The following PACRG variants were observed in gnomAD, a reference collection of about 807,000 sequenced individuals.
PACRG encodes parkin coregulated.
A neutral mutation model predicts 29.7 loss-of-function variants in PACRG; 29 were observed. The observed-to-expected ratio is 0.98, with a 90% CI of 0.73 to 1.33. The LOEUF (loss-of-function observed/expected upper bound fraction) is 1.33. Among genes scored for constraint, PACRG ranks in the 40% most tolerant of loss-of-function variants. The pLI, the probability that PACRG is intolerant of heterozygous loss-of-function variation, is 0.00. For missense variants in PACRG, 279 were observed against 316.2 expected, an observed-to-expected ratio of 0.88 and a Z score of 0.89; for synonymous variants, 116 against 118.7, an observed-to-expected ratio of 0.98 and a Z score of 0.15.
At position 163,020,541 on chromosome 6, in the gene PACRG, C is replaced by T. The variant is rs368616582; in HGVS notation, c.292-41609C>T. Among the ~76,000 whole-genome samples, 8 of 152,164 alleles carry T rather than the reference C, an allele frequency of 5.3e-5. No individual in the cohort carries two copies. The South Asian group carries it at 1.0e-3, about 20-fold the overall frequency. On this transcript the variant is annotated intron_variant, in intron 2 of 4. Transcript: ENST00000366888. Reference sequence around the variant, plus strand: ...CAAACAAATAGAAAGGGACCCAGACCGGTTTGAGCGGTGAGTATTCCACAG... The same window carrying T: ...CAAACAAATAGAAAGGGACCCAGACTGGTTTGAGCGGTGAGTATTCCACAG...
chr6:163,104,080 C>T (rs1386021555), intron 4 of PACRG, among the ~76,000 whole-genome samples: 2 of 152,188 alleles, frequency 1.3e-5, no homozygotes, highest in Non-Finnish European at 2.9e-5. Flanking sequence ...GATTTAACAA[C>T]TATTATATGC....
intron 4 of PACRG, among the ~76,000 whole-genome samples, chr6:163,272,978 G>A (rs1237360573): frequency 8.5e-5 from 11 of 129,164 alleles, no homozygotes; most frequent in South Asian, 2.5e-4. Context: ...TGCAAGCTCC[G>A]CCTCCCGGGT....
rs201236845 is a variant in PACRG at position 163,236,014 on chromosome 6, G to C, written c.614-78813G>C. Among the ~76,000 whole-genome samples, 10 of 152,142 alleles carry C rather than the reference G, an allele frequency of 6.6e-5. No individual in the cohort carries two copies. In the East Asian group the frequency reaches 1.9e-3, roughly 29 times the overall value. Reference sequence around the variant, plus strand: ...CTTTCTGCTCTTCCAAAGGTTACTTGTTATATGACTGATCTCCAAGCATTT... The same window carrying C: ...CTTTCTGCTCTTCCAAAGGTTACTTCTTATATGACTGATCTCCAAGCATTT... On this transcript the variant is annotated intron_variant, in intron 4 of 4. Transcript: ENST00000366888.
intron 4 of PACRG, among the ~76,000 whole-genome samples, chr6:163,239,950 CCA>C (rs3064938): frequency 0.25 from 33,710 of 134,472 alleles, 4,603 homozygotes; most frequent in Middle Eastern, 0.35. Context: ...CCCACCCCCC[CCA>C]CACACTCACA....
intron 1 of PACRG, among the ~76,000 whole-genome samples, chr6:162,769,331 C>T (rs1379946410): frequency 1.6e-5 from 2 of 127,282 alleles, no homozygotes; most frequent in African/African-American, 5.4e-5. Flanking sequence ...TTTTTTACTG[C>T]TCTAAAACCT....
chr6:163,138,157 G>A (rs1297522260), intron 4 of PACRG, among the ~76,000 whole-genome samples: 1 of 152,218 alleles, frequency 6.6e-6, no homozygotes, highest in East Asian at 1.9e-4. Context: ...TGACAGTAAT[G>A]TTTTTATAAT....
chr6:163,027,012 A>G (rs996301583), intron 2 of PACRG, among the ~76,000 whole-genome samples: 1 of 152,230 alleles, frequency 6.6e-6, no homozygotes, highest in African/African-American at 2.4e-5. Flanking sequence ...ATGGAAGGAT[A>G]AAAATAGCAT....
At chr6:162,783,580 G>T (rs1784247948) in intron 1 of PACRG, among the ~76,000 whole-genome samples, 1 of 151,828 alleles carries the variant, frequency 6.6e-6, no homozygotes, top group Non-Finnish European at 1.5e-5. Context: ...ATATTTAAGG[G>T]CATAATTTAT....
intron 2 of PACRG, among the ~76,000 whole-genome samples, chr6:162,921,868 G>A (rs1797089413): frequency 6.6e-6 from 1 of 152,150 alleles, no homozygotes; most frequent in Non-Finnish European, 1.5e-5. Flanking sequence ...TAGAGACACA[G>A]TACACTTTGA....
At chr6:162,743,061 CG>C (rs1562551663) in intron 1 of PACRG, among the ~76,000 whole-genome samples, 1 of 152,062 alleles carries the variant, frequency 6.6e-6, no homozygotes, top group Non-Finnish European at 1.5e-5. Context: ...TTGATGATAA[CG>C]GTTCTAACAA....
At chr6:162,813,568 T>C (rs1322823621) in intron 1 of PACRG, among the ~76,000 whole-genome samples, 1 of 152,126 alleles carries the variant, frequency 6.6e-6, no homozygotes, top group Non-Finnish European at 1.5e-5. Context: ...TTCTTGTGAA[T>C]TCATGTTACC....
intron 4 of PACRG, among the ~76,000 whole-genome samples, chr6:163,104,856 C>T (rs998055665): frequency 1.4e-4 from 21 of 152,242 alleles, no homozygotes; most frequent in Non-Finnish European, 2.6e-4. Context: ...ACTTCAATTA[C>T]CTTGCCAAAT....
intron 2 of PACRG, among the ~76,000 whole-genome samples, chr6:163,034,239 C>G (rs1585050265): frequency 6.6e-6 from 1 of 151,918 alleles, no homozygotes; most frequent in Non-Finnish European, 1.5e-5. Flanking sequence ...CTCAAGTTTC[C>G]CCTTTTAGGG....
intron 4 of PACRG, among the ~76,000 whole-genome samples, chr6:163,155,262 G>A (rs1778266450): frequency 6.6e-6 from 1 of 152,202 alleles, no homozygotes. Context: ...ATGGTACCCC[G>A]GGCTAGGAAG....
intron 2 of PACRG, among the ~76,000 whole-genome samples, chr6:162,944,066 G>C (rs1798824845): frequency 6.6e-6 from 1 of 152,090 alleles, no homozygotes; most frequent in Admixed American, 6.5e-5. Context: ...CTACCCTGAG[G>C]CTGAAGGATG....
intron 1 of PACRG, among the ~76,000 whole-genome samples, chr6:162,782,465 G>A (rs922854073): frequency 1.3e-5 from 2 of 151,862 alleles, no homozygotes; most frequent in Admixed American, 6.6e-5. Flanking sequence ...ATTGTAGAGA[G>A]CAAAATTTAA....
chr6:163,117,924 A>G (rs1474333714), intron 4 of PACRG, among the ~76,000 whole-genome samples: 1 of 152,178 alleles, frequency 6.6e-6, no homozygotes, highest in Non-Finnish European at 1.5e-5. Context: ...CAGAGAATTG[A>G]CAACATGGCT....
chr6:163,058,524 T>A (rs1219397309), intron 2 of PACRG, among the ~76,000 whole-genome samples: 4 of 151,768 alleles, frequency 2.6e-5, no homozygotes, highest in Non-Finnish European at 4.4e-5. Context: ...TGTAATCCCA[T>A]CACTTTGGGA....
At chr6:162,781,679 A>G (rs1784102757) in intron 1 of PACRG, among the ~76,000 whole-genome samples, 3 of 141,214 alleles carry the variant, frequency 2.1e-5, no homozygotes, top group Non-Finnish European at 4.5e-5. Flanking sequence ...TGTGAGGTAT[A>G]GTATACTATC....
Sources: gnomAD v4.1 joint callset for allele counts (sites outside exome capture counted in the v4.1 genomes callset) on GRCh38, gnomAD v4.1.1 for gene constraint, MANE v1.5 for transcripts, NCBI Gene and HGNC (gene_info 2026-07-23, HGNC 2026-07-21) for gene names.